The following SPTBN1 variants were observed in gnomAD, a reference collection of about 807,000 sequenced individuals.
The protein encoded by SPTBN1 is spectrin beta chain, non-erythrocytic 1.
SPTBN1 carries 32 observed loss-of-function variants against 266.4 expected under a neutral mutation model. That is an observed-to-expected ratio of 0.12 (90% CI 0.09 to 0.16). SPTBN1 has a LOEUF of 0.16. Ranked by LOEUF, SPTBN1 falls within the 10% of genes least tolerant of loss-of-function variation. The probability of loss-of-function intolerance (pLI) is 1.00; values close to 1 mark genes in which losing one functional copy is unlikely to be tolerated. For synonymous variants in SPTBN1, 1,336 were observed against 1,162.2 expected (o/e 1.15, Z -3.04); for missense variants, 2,296 against 3,067.1 (o/e 0.75, Z 5.94).
intron 2 of SPTBN1, among the ~76,000 whole-genome samples, chr2:54,532,603 C>T (rs1412161752): frequency 3.9e-5 from 6 of 152,168 alleles, no homozygotes; most frequent in Non-Finnish European, 5.9e-5. Flanking sequence ...GTTGGTCAAT[C>T]CTGTTAACTA....
intron 1 of SPTBN1, among the ~76,000 whole-genome samples, chr2:54,507,080 G>C (rs1157831317): frequency 6.6e-6 from 1 of 152,044 alleles, no homozygotes; most frequent in Non-Finnish European, 1.5e-5. Context: ...ATTCTCAAGG[G>C]TGGGGAGATT....
rs754785255 is a variant in SPTBN1, at chr2:54,664,422, G to A, written c.6421-31G>A. ...TGTGGTCACCCCCATGGCTCACGGA[G>A]TTAGCTGAATGGCCTCTCCGCTGTC... On this transcript the variant is annotated intron_variant, in intron 32 of 35. Transcript: ENST00000356805. The surrounding 1 kb of genome is among the most constrained non-coding windows in gnomAD (Gnocchi z 5.6). The A allele has an allele frequency of 1.9e-6, 3 of 1,597,788 alleles. No individual in the cohort carries two copies. The highest frequency in any genetic ancestry group is 2.2e-5 in the South Asian group (2 of 90,060).
intron 2 of SPTBN1, among the ~76,000 whole-genome samples, chr2:54,559,334 T>A (rs1303967687): frequency 6.6e-6 from 1 of 151,704 alleles, no homozygotes; most frequent in East Asian, 1.9e-4. Flanking sequence ...GAGGGAGGGG[T>A]CTTTTTGTTC....
intron 1 of SPTBN1, among the ~76,000 whole-genome samples, chr2:54,463,240 G>GAGCTTA (rs1693458443): frequency 6.6e-6 from 1 of 152,192 alleles, no homozygotes; most frequent in South Asian, 2.1e-4. Flanking sequence ...GGACCTAGTG[G>GAGCTTA]GTGACGAGCT....
intron 26 of SPTBN1, chr2:54,652,910 AT>A (rs1558472411): frequency 2.0e-4 from 30 of 147,762 alleles, no homozygotes; most frequent in African/African-American, 7.2e-4. Context: ...TCTTTTATTT[AT>A]GACTGTCATA....
chr2:54,669,630 CCTAT>C lies in SPTBN1; in HGVS notation c.*1064_*1067del, dbSNP rs1159933004. On this transcript the variant is annotated 3_prime_UTR_variant, in exon 36 of 36. Transcript: ENST00000356805. Reference sequence around the variant, plus strand: ...ACGACCTGTACCTCTCAACTTTTGCCCTATCTGTTAAATATATGCTATGTCATTA... The same window carrying C: ...ACGACCTGTACCTCTCAACTTTTGCCCTGTTAAATATATGCTATGTCATTA... 3 of 152,744 alleles carry C rather than the reference CCTAT, an allele frequency of 2.0e-5. No individual in the cohort carries two copies. The highest frequency in any genetic ancestry group is 4.1e-4 in the South Asian group (2 of 4,826). The allele number at this position is 152,744 out of a possible 1,614,324, so 9.5% of individuals were successfully genotyped here.
intron 2 of SPTBN1, among the ~76,000 whole-genome samples, chr2:54,561,984 ACCAACAC>A (rs931420169): frequency 5.3e-5 from 8 of 151,880 alleles, no homozygotes; most frequent in African/African-American, 9.7e-5. Context: ...AGCATTCACC[ACCAACAC>A]CCAACACCCA....
In SPTBN1 at chr2:54,629,438, C is replaced by T. The variant is rs757741338; in HGVS notation, c.2304C>T (p.Ser768=). 1.2e-6 allele frequency: 2 copies of T among 1,614,166 alleles called. No homozygotes were observed. Among genetic ancestry groups the T allele is most frequent in the Non-Finnish European group, 1.7e-6 (2 of 1,180,048 alleles). ...AWMLDILKIV[S]SSDVGHDEYS... Reference sequence around the variant, plus strand: ...TGCTGGACATCCTCAAGATTGTCTCCAGCAGCGACGTGGGCCACGATGAGT... The same window carrying T: ...TGCTGGACATCCTCAAGATTGTCTCTAGCAGCGACGTGGGCCACGATGAGT... The change falls in exon 14 of 36, where the codon TCC becomes TCT. Residue 768 remains serine, a synonymous_variant. Coordinates refer to ENST00000356805, the MANE Select transcript of SPTBN1 (RefSeq NM_003128.3).
At chr2:54,621,904 A>G (rs767963070) in intron 8 of SPTBN1, among the ~76,000 whole-genome samples, 3 of 152,248 alleles carry the variant, frequency 2.0e-5, no homozygotes, top group Non-Finnish European at 4.4e-5. Context: ...ACCTCAGACC[A>G]GATGACATTG....
chr2:54,660,083 G>A (rs1572775380), intron 32 of SPTBN1, 84 bp downstream of exon 32: 7 of 1,613,568 alleles, frequency 4.3e-6, no homozygotes, highest in Non-Finnish European at 5.9e-6. Flanking sequence ...GGTCTGGACT[G>A]TGAAGTTCAC....
intron 26 of SPTBN1, among the ~76,000 whole-genome samples, chr2:54,651,893 A>T (rs1177759842): frequency 6.6e-6 from 1 of 152,182 alleles, no homozygotes; most frequent in Non-Finnish European, 1.5e-5. Context: ...TCTTCTTTGT[A>T]TCTTTTGCAG....
chr2:54,578,897 C>T (rs573747384), intron 2 of SPTBN1, among the ~76,000 whole-genome samples: 1 of 152,026 alleles, frequency 6.6e-6, no homozygotes, highest in South Asian at 2.1e-4. Context: ...TCTTCTATGC[C>T]CTCTCTGTCC....
intron 7 of SPTBN1, among the ~76,000 whole-genome samples, chr2:54,618,536 G>A (rs1255726315): frequency 6.6e-6 from 1 of 152,240 alleles, no homozygotes; most frequent in Non-Finnish European, 1.5e-5. Flanking sequence ...ATTCCCTTCT[G>A]TTAGTGGATG....
Position 54,629,322 on chromosome 2 carries a change from G to C in SPTBN1, c.2188G>C (p.Glu730Gln), listed in dbSNP as rs1168955048. Residue 730 changes from glutamate (E) to glutamine (Q), a missense_variant, in exon 14 of 36, where the codon GAG (glutamate) becomes CAG (glutamine). Glu to Gln is a conservative substitution (Grantham distance 29). Transcript: ENST00000356805. ...CATCCGGGAGCAGTGGGCCAACCTA[G>C]AGCAGCTCTCGGCCATTCGGAAGAA... ...IYIREQWANL[E>Q]QLSAIRKKRL... 4 of 1,614,082 alleles carry C rather than the reference G, an allele frequency of 2.5e-6. No homozygotes were observed. Among genetic ancestry groups the C allele is most frequent in the Non-Finnish European group, 2.5e-6 (3 of 1,180,034 alleles).
intron 34 of SPTBN1, among the ~76,000 whole-genome samples, chr2:54,666,927 G>A (rs1190079701): frequency 6.6e-6 from 1 of 152,198 alleles, no homozygotes; most frequent in African/African-American, 2.4e-5. Flanking sequence ...ACATTTTGTA[G>A]GACAATGCAC....
chr2:54,560,260 C>T (rs1573414209), intron 2 of SPTBN1, among the ~76,000 whole-genome samples: 1 of 151,914 alleles, frequency 6.6e-6, no homozygotes, highest in African/African-American at 2.4e-5. Flanking sequence ...ACTGCGTGCT[C>T]CTCCTCTTCC....
rs752591110 is a variant in SPTBN1, at chr2:54,645,939, A to G, written c.4506A>G (p.Gly1502=). 3.7e-6 allele frequency: 6 copies of G among 1,614,066 alleles called. No homozygotes were observed. The highest frequency in any genetic ancestry group is 1.3e-5 in the African/African-American group (1 of 74,926). Residue 1502 remains glycine (G), a synonymous_variant, in exon 22 of 36, where the codon GGA becomes GGG. Coordinates refer to ENST00000356805, the MANE Select transcript of SPTBN1 (RefSeq NM_003128.3). The surrounding 1 kb of genome is among the most constrained non-coding windows in gnomAD (Gnocchi z 4.3). The part of the protein sequence containing the change: ...RDVEDEILWV[G]ERMPLATSTD... ...AAAATTCTTCCCAGTTGTGGGTTGG[A>G]GAGAGGATGCCTTTGGCAACTTCCA...
At chr2:54,489,646 C>T (rs1370184020) in intron 1 of SPTBN1, among the ~76,000 whole-genome samples, 1 of 152,148 alleles carries the variant, frequency 6.6e-6, no homozygotes, top group Non-Finnish European at 1.5e-5. Flanking sequence ...TTGCAGTGAG[C>T]TGAGATCGTG....
chr2:54,609,020 A>C (rs1209254444), intron 3 of SPTBN1, among the ~76,000 whole-genome samples: 1 of 152,110 alleles, frequency 6.6e-6, no homozygotes, highest in Non-Finnish European at 1.5e-5. Flanking sequence ...TAGGCTGAGG[A>C]GGAAGGTGGG....
Sources: gnomAD v4.1 joint callset for allele counts (sites outside exome capture counted in the v4.1 genomes callset) on GRCh38, gnomAD v4.1.1 for gene constraint, Gnocchi (gnomAD v3.1) non-coding constraint, MANE v1.5 for transcripts, NCBI Gene and HGNC (gene_info 2026-07-23, HGNC 2026-07-21) for gene names.